CFAP299: variants seen among roughly 807,000 people sequenced by gnomAD.
The protein encoded by CFAP299 is cilia and flagella associated protein 299, also known as cilia- and flagella-associated protein 299.
A neutral mutation model predicts 27.0 loss-of-function variants in CFAP299; 21 were observed. The observed-to-expected ratio is 0.78, with a 90% CI of 0.55 to 1.12. CFAP299 has a LOEUF of 1.12. CFAP299 is among the 50% of genes most tolerant of loss of function. CFAP299 has a pLI of 0.00. For synonymous variants in CFAP299, 104 were observed against 98.1 expected (o/e 1.06, Z -0.36); for missense variants, 310 against 276.6 (o/e 1.12, Z -0.86).
intron 3 of CFAP299, among the ~76,000 whole-genome samples, chr4:80,647,229 G>A (rs1270662767): frequency 6.6e-6 from 1 of 152,056 alleles, no homozygotes; most frequent in Non-Finnish European, 1.5e-5. Context: ...TACATGTTTT[G>A]GGAGTCAAGA....
At chr4:80,848,155 G>T (rs1731285947) in intron 3 of CFAP299, among the ~76,000 whole-genome samples, 1 of 151,854 alleles carries the variant, frequency 6.6e-6, no homozygotes, top group South Asian at 2.1e-4. Flanking sequence ...AGGCTGCAGT[G>T]AGCTGAGATC....
chr4:80,562,882 G>C (rs1471899748), intron 2 of CFAP299, among the ~76,000 whole-genome samples: 1 of 151,782 alleles, frequency 6.6e-6, no homozygotes, highest in African/African-American at 2.4e-5. Context: ...TACCAAAAAA[G>C]AGCAGGAGTC....
At chr4:80,961,154 A>T (rs1738325176) in intron 5 of CFAP299, among the ~76,000 whole-genome samples, 1 of 151,754 alleles carries the variant, frequency 6.6e-6, no homozygotes. Flanking sequence ...GATTCAATTT[A>T]GTTGAATATA....
intron 1 of CFAP299, among the ~76,000 whole-genome samples, chr4:80,342,708 C>A (rs1393648604): frequency 6.6e-6 from 1 of 152,168 alleles, no homozygotes; most frequent in Non-Finnish European, 1.5e-5. Context: ...CCAGCCACTA[C>A]AAAAACACAC....
chr4:80,389,054 A>G (rs1310596378), intron 2 of CFAP299, among the ~76,000 whole-genome samples: 1 of 152,150 alleles, frequency 6.6e-6, no homozygotes, highest in Non-Finnish European at 1.5e-5. Context: ...AATAAGTCAG[A>G]TGATCATACT....
At chr4:80,533,061 G>C (rs13146627) in intron 2 of CFAP299, among the ~76,000 whole-genome samples, 13,878 of 152,028 alleles carry the variant, frequency 0.091, 689 homozygotes, top group Middle Eastern at 0.2. Context: ...TGTATACTAA[G>C]CTTTATTGAA....
intron 3 of CFAP299, among the ~76,000 whole-genome samples, chr4:80,657,267 A>G (rs528264702): frequency 2.0e-5 from 3 of 152,092 alleles, no homozygotes; most frequent in Admixed American, 6.5e-5. Flanking sequence ...TTTTGTTGCA[A>G]TTGCTTTTGG....
chr4:80,907,512 T>G (rs886168915), intron 4 of CFAP299, among the ~76,000 whole-genome samples: 3 of 152,128 alleles, frequency 2.0e-5, no homozygotes, highest in African/African-American at 7.2e-5. Context: ...AGGATAGGGT[T>G]TTAGTTGATT....
intron 3 of CFAP299, among the ~76,000 whole-genome samples, chr4:80,696,898 A>AT (rs1491579414): frequency 6.6e-6 from 1 of 152,240 alleles, no homozygotes; most frequent in Non-Finnish European, 1.5e-5. Context: ...GAAGCAAATC[A>AT]TATGTGATCT....
chr4:80,507,325 C>T (rs1732085796), intron 2 of CFAP299, among the ~76,000 whole-genome samples: 1 of 152,116 alleles, frequency 6.6e-6, no homozygotes, highest in African/African-American at 2.4e-5. Flanking sequence ...ATGGGGGCGT[C>T]ACATGGTCTT....
intron 2 of CFAP299, among the ~76,000 whole-genome samples, chr4:80,540,115 C>T (rs949168266): frequency 2.6e-5 from 4 of 152,168 alleles, no homozygotes; most frequent in African/African-American, 7.2e-5. Flanking sequence ...TAAATGCTGT[C>T]GCTTGTGAGT....
intron 3 of CFAP299, among the ~76,000 whole-genome samples, chr4:80,659,522 A>G (rs1426789788): frequency 1.3e-5 from 2 of 152,082 alleles, no homozygotes; most frequent in Admixed American, 1.3e-4. Flanking sequence ...GAAAATCTGA[A>G]CAGCCAATAA....
chr4:80,692,268 G>A (rs921931796), intron 3 of CFAP299, among the ~76,000 whole-genome samples: 23 of 152,148 alleles, frequency 1.5e-4, no homozygotes, highest in South Asian at 4.1e-4. Context: ...CAAAGCTGGA[G>A]GCATCACACT....
chr4:80,815,486 T>C (rs1323437492), intron 3 of CFAP299, among the ~76,000 whole-genome samples: 4 of 152,002 alleles, frequency 2.6e-5, no homozygotes, highest in African/African-American at 7.2e-5. Flanking sequence ...AATATGACAT[T>C]GAACACAGTA....
intron 3 of CFAP299, among the ~76,000 whole-genome samples, chr4:80,751,738 C>A (rs6829601): frequency 2.0e-5 from 3 of 152,206 alleles, no homozygotes; most frequent in Non-Finnish European, 2.9e-5. Flanking sequence ...CCCCCTCCCC[C>A]ACCCACTGCC....
At chr4:80,688,879 A>G (rs1720432924) in intron 3 of CFAP299, among the ~76,000 whole-genome samples, 1 of 152,084 alleles carries the variant, frequency 6.6e-6, no homozygotes, top group Non-Finnish European at 1.5e-5. Flanking sequence ...CCAAGGCTCG[A>G]GAACTACGTG....
At chr4:80,343,798 C>CA (rs1478306862) in intron 1 of CFAP299, among the ~76,000 whole-genome samples, 1 of 3,058 alleles carries the variant, frequency 3.3e-4, no homozygotes, top group African/African-American at 1.4e-3. Context: ...GAGACTCCGT[C>CA]TAAAAAAAAA....
chr4:80,476,970 T>C (rs1277015226), intron 2 of CFAP299, among the ~76,000 whole-genome samples: 1 of 151,948 alleles, frequency 6.6e-6, no homozygotes, highest in African/African-American at 2.4e-5. Context: ...CGTGTGTGTG[T>C]GTGTGTGTGT....
At chr4:80,369,206 G>C (rs924158390) in intron 2 of CFAP299, among the ~76,000 whole-genome samples, 9 of 152,222 alleles carry the variant, frequency 5.9e-5, no homozygotes, top group African/African-American at 2.2e-4. Flanking sequence ...ACAGCTGGCA[G>C]AAATTCCTTT....
Sources: allele counts gnomAD v4.1 joint callset (sites outside exome capture counted in the v4.1 genomes callset), GRCh38; gene constraint gnomAD v4.1.1; transcripts MANE v1.5; gene names NCBI Gene and HGNC (gene_info 2026-07-23, HGNC 2026-07-21).